COL21A1: variants seen among roughly 807,000 people sequenced by gnomAD.
The protein encoded by COL21A1 is collagen alpha-1(XXI) chain.
COL21A1 carries 149 observed loss-of-function variants against 137.9 expected under a neutral mutation model. That is an observed-to-expected ratio of 1.08 (90% CI 0.95 to 1.24). The LOEUF is 1.24. Ranked by LOEUF, COL21A1 falls within the 50% of genes most tolerant of loss-of-function variation. The pLI is 0.00. For missense variants in COL21A1, 1,167 were observed against 1,158.4 expected (o/e 1.01, Z -0.11); for synonymous variants, 456 against 391.5 (o/e 1.16, Z -1.95).
intron 1 of COL21A1, among the ~76,000 whole-genome samples, chr6:56,206,702 ATATATATATATATATATAT>A (rs1561983827): frequency 1.5e-4 from 2 of 13,032 alleles, no homozygotes; most frequent in African/African-American, 1.6e-3. Context: ...AAATAAATAT[ATATATATATATATATATAT>A]ATATATATAT....
intron 1 of COL21A1, among the ~76,000 whole-genome samples, chr6:56,257,695 A>G (rs952991532): frequency 1.3e-4 from 20 of 152,298 alleles, no homozygotes; most frequent in African/African-American, 4.6e-4. Flanking sequence ...AAATAAGTGG[A>G]TATCACCATA....
chr6:56,067,527 G>C (rs1766373441), intron 22 of COL21A1, among the ~76,000 whole-genome samples, 197 bp from the exon 23 acceptor site: 1 of 151,704 alleles, frequency 6.6e-6, no homozygotes. Context: ...TATTGTAAAA[G>C]AACACTTTTG....
At chr6:56,385,146 C>A (rs1029455802) in intron 1 of COL21A1, among the ~76,000 whole-genome samples, 6 of 152,214 alleles carry the variant, frequency 3.9e-5, no homozygotes, top group Non-Finnish European at 7.3e-5. Context: ...GGGATCAAAT[C>A]TGAGTGTGGC....
At chr6:56,135,835 A>G (rs1773957829) in intron 12 of COL21A1, among the ~76,000 whole-genome samples, 2 of 152,222 alleles carry the variant, frequency 1.3e-5, no homozygotes, top group Non-Finnish European at 2.9e-5. Flanking sequence ...AAACTCCTAG[A>G]GAATTTTATT....
intron 1 of COL21A1, among the ~76,000 whole-genome samples, chr6:56,352,517 T>C (rs1436218906): frequency 1.3e-5 from 2 of 150,992 alleles, no homozygotes; most frequent in East Asian, 2.0e-4. Context: ...CCAGGGAATC[T>C]GAATTCAGAG....
chr6:56,240,898 C>T (rs1054364073), intron 1 of COL21A1, among the ~76,000 whole-genome samples: 6 of 152,154 alleles, frequency 3.9e-5, no homozygotes, highest in African/African-American at 1.4e-4. Flanking sequence ...GTACCTATCG[C>T]TCACACTTCA....
intron 27 of COL21A1, 178 bp from the exon 28 acceptor site, chr6:56,060,396 G>A (rs72874231): frequency 0.038 from 22,400 of 590,042 alleles, 567 homozygotes; most frequent in Non-Finnish European, 0.051. Flanking sequence ...TGCTCTGTGC[G>A]GTAATTTTAT....
intron 17 of COL21A1, among the ~76,000 whole-genome samples, chr6:56,095,131 A>C: frequency 6.6e-6 from 1 of 152,280 alleles, no homozygotes; most frequent in Non-Finnish European, 1.5e-5. Context: ...TATTTTTACA[A>C]GCCTATTATT....
chr6:56,298,821 T>C (rs1237035908), intron 1 of COL21A1, among the ~76,000 whole-genome samples: 1 of 152,154 alleles, frequency 6.6e-6, no homozygotes, highest in Non-Finnish European at 1.5e-5. Context: ...TTTAATCTTT[T>C]TGAAGTTTCT....
In COL21A1 at chr6:56,077,514, C is replaced by CT; in HGVS notation, c.1857+14dup. 1 of 1,559,140 alleles carries CT rather than the reference C, an allele frequency of 6.4e-7. No individual in the cohort carries two copies. The highest frequency in any genetic ancestry group is 8.7e-7 in the Non-Finnish European group (1 of 1,146,222). On this transcript the variant is annotated intron_variant, in intron 18 of 29. Transcript: ENST00000244728. Reference sequence around the variant, plus strand: ...AGCAGATCCAGGCCCAAAGCTAACTCTCATGAATACTTACCTTTTGGCCCA... The same window carrying CT: ...AGCAGATCCAGGCCCAAAGCTAACTCTTCATGAATACTTACCTTTTGGCCCA...
chr6:56,323,066 G>A (rs1201977995), intron 1 of COL21A1, among the ~76,000 whole-genome samples: 2 of 151,606 alleles, frequency 1.3e-5, no homozygotes, highest in East Asian at 3.9e-4. Context: ...TTACCTATTG[G>A]GTACAATGTA....
chr6:56,171,469 A>C (rs1561943893), intron 3 of COL21A1, among the ~76,000 whole-genome samples: 1 of 151,940 alleles, frequency 6.6e-6, no homozygotes, highest in South Asian at 2.1e-4. Flanking sequence ...GAAAAGAAAA[A>C]CAATGGAACA....
intron 16 of COL21A1, among the ~76,000 whole-genome samples, chr6:56,117,383 G>A (rs915655784): frequency 1.3e-5 from 2 of 151,914 alleles, no homozygotes; most frequent in Non-Finnish European, 2.9e-5. Context: ...TAATTCAGCA[G>A]AGGATATAAC....
chr6:56,250,502 AAC>A (rs938846597), upstream of COL21A1, among the ~76,000 whole-genome samples: 2 of 152,192 alleles, frequency 1.3e-5, no homozygotes, highest in African/African-American at 4.8e-5. Flanking sequence ...CTTGAGGAAC[AAC>A]AGAGACTTCA....
chr6:56,185,635 C>G (rs968431284), intron 1 of COL21A1, among the ~76,000 whole-genome samples: 1 of 151,384 alleles, frequency 6.6e-6, no homozygotes, highest in African/African-American at 2.4e-5. Context: ...CGGGGTTTCA[C>G]CTTGTTAGCC....
intron 1 of COL21A1, among the ~76,000 whole-genome samples, chr6:56,308,974 AAGAT>A (rs1380870198): frequency 2.6e-5 from 4 of 152,262 alleles, no homozygotes; most frequent in East Asian, 3.9e-4. Context: ...GGAGGGCAGA[AAGAT>A]AGAGAAGATT....
intron 1 of COL21A1, among the ~76,000 whole-genome samples, chr6:56,196,202 G>T (rs1350356104): frequency 6.6e-6 from 1 of 151,984 alleles, no homozygotes; most frequent in Non-Finnish European, 1.5e-5. Flanking sequence ...AACAAATTAG[G>T]CATGGAATGA....
chr6:56,388,665 G>C (rs2094023207), intron 1 of COL21A1, among the ~76,000 whole-genome samples: 1 of 152,154 alleles, frequency 6.6e-6, no homozygotes, highest in South Asian at 2.1e-4. Flanking sequence ...TTCTCAAAAA[G>C]GATGAGTACA....
chr6:56,369,412 T>C (rs774314026), intron 1 of COL21A1, among the ~76,000 whole-genome samples: 1 of 151,302 alleles, frequency 6.6e-6, no homozygotes, highest in African/African-American at 2.4e-5. Flanking sequence ...GAGGGTGTTA[T>C]GTAAAATTGT....
Sources: gnomAD v4.1 joint callset for allele counts (sites outside exome capture counted in the v4.1 genomes callset) on GRCh38, gnomAD v4.1.1 for gene constraint, MANE v1.5 for transcripts, NCBI Gene and HGNC (gene_info 2026-07-23, HGNC 2026-07-21) for gene names.